Variants in GRID2 observed in about 807,000 individuals in gnomAD.
GRID2 encodes glutamate ionotropic receptor delta type subunit 2, also known as glutamate receptor ionotropic, delta-2.
In GRID2, 33 loss-of-function variants were observed where a neutral mutation model predicts 114.8. That is an observed-to-expected ratio of 0.29 (90% CI 0.22 to 0.38). The LOEUF is 0.38. Ranked by LOEUF, GRID2 falls within the 10% of genes least tolerant of loss-of-function variation. GRID2 has a pLI of 1.00. For synonymous variants in GRID2, 505 were observed against 449.9 expected, an observed-to-expected ratio of 1.12 and a Z score of -1.55; for missense variants, 1,184 against 1,257.7, an observed-to-expected ratio of 0.94 and a Z score of 0.89.
intron 13 of GRID2, among the ~76,000 whole-genome samples, chr4:93,548,072 G>T (rs926501912): frequency 1.3e-5 from 2 of 152,044 alleles, no homozygotes; most frequent in African/African-American, 4.8e-5. Context: ...AGCTACTTGG[G>T]AGGGTGAGGC....
At chr4:92,639,120 A>T (rs1234501895) in intron 2 of GRID2, among the ~76,000 whole-genome samples, 1 of 151,610 alleles carries the variant, frequency 6.6e-6, no homozygotes, top group African/African-American at 2.4e-5. Flanking sequence ...TATCTTTAGA[A>T]TGTGTCAATA....
chr4:92,394,757 T>C (rs2110267525), intron 1 of GRID2, among the ~76,000 whole-genome samples: 1 of 152,096 alleles, frequency 6.6e-6, no homozygotes, highest in Admixed American at 6.5e-5. Flanking sequence ...TATTTTGATG[T>C]GAAATAATTA....
At chr4:92,879,870 C>T (rs915400373) in intron 2 of GRID2, among the ~76,000 whole-genome samples, 2 of 152,126 alleles carry the variant, frequency 1.3e-5, no homozygotes, top group African/African-American at 2.4e-5. Context: ...TGTTCTTTGG[C>T]CAAGAGCTTT....
At chr4:93,379,475 A>G (rs1041899749) in intron 8 of GRID2, among the ~76,000 whole-genome samples, 19 of 152,060 alleles carry the variant, frequency 1.2e-4, no homozygotes, top group African/African-American at 4.1e-4. Context: ...CTGGAGCAAA[A>G]AGGGGAGAGA....
At chr4:92,878,810 T>A (rs1478528639) in intron 2 of GRID2, among the ~76,000 whole-genome samples, 1 of 152,146 alleles carries the variant, frequency 6.6e-6, no homozygotes, top group Non-Finnish European at 1.5e-5. Context: ...TTAGAGAAGA[T>A]AGCCTTTATT....
In GRID2 at chr4:92,901,823, T is replaced by TTG. The variant is rs373258158; in HGVS notation, c.245-183152_245-183151dup. Among the ~76,000 whole-genome samples the TTG allele has an allele frequency of 4.9e-4, 73 of 149,624 alleles. No individual in the cohort carries two copies. In the East Asian group the frequency reaches 5.7e-3, roughly 12 times the overall value. ...AGAAATACTGATCTATATTATCTTT[T>TTG]TGTGTGTGTGTGTGTGTGTGTCCTT... is the stretch of plus-strand genomic sequence containing the variant. On this transcript the variant is annotated intron_variant, in intron 2 of 15. Transcript: ENST00000282020.
chr4:92,762,101 G>C (rs1391748559), intron 2 of GRID2, among the ~76,000 whole-genome samples: 1 of 152,072 alleles, frequency 6.6e-6, no homozygotes, highest in East Asian at 1.9e-4. Flanking sequence ...TTTTAGTGGA[G>C]ACAGGGTCTC....
chr4:93,684,678 G>A (rs1725912045), intron 14 of GRID2, among the ~76,000 whole-genome samples: 1 of 152,134 alleles, frequency 6.6e-6, no homozygotes, highest in South Asian at 2.1e-4. Context: ...AGCCTTACAG[G>A]ATTCTTGCCA....
intron 1 of GRID2, among the ~76,000 whole-genome samples, chr4:92,415,430 G>A (rs1313725862): frequency 6.6e-6 from 1 of 151,814 alleles, no homozygotes; most frequent in Non-Finnish European, 1.5e-5. Flanking sequence ...CCCAAGCAGT[G>A]TACACTGTAC....
chr4:92,602,820 A>G (rs1437556855), intron 2 of GRID2, among the ~76,000 whole-genome samples: 1 of 152,218 alleles, frequency 6.6e-6, no homozygotes, highest in Non-Finnish European at 1.5e-5. Flanking sequence ...GTCTTAGTCC[A>G]AAAGCTTCTT....
intron 2 of GRID2, among the ~76,000 whole-genome samples, chr4:92,969,897 A>G (rs141311231): frequency 6.6e-6 from 1 of 151,922 alleles, no homozygotes; most frequent in African/African-American, 2.4e-5. Flanking sequence ...TTCTGTCCCA[A>G]GAATGAGTGC....
intron 2 of GRID2, among the ~76,000 whole-genome samples, chr4:92,967,558 A>G (rs920219295): frequency 1.3e-5 from 2 of 151,826 alleles, no homozygotes; most frequent in Non-Finnish European, 2.9e-5. Flanking sequence ...AATTGCTGGA[A>G]AGCAAGCTCT....
intron 2 of GRID2, among the ~76,000 whole-genome samples, chr4:92,739,479 T>C (rs1403368562): frequency 1.3e-5 from 2 of 152,164 alleles, no homozygotes; most frequent in Admixed American, 6.5e-5. Flanking sequence ...AATCTGGCTG[T>C]CTTTGAAAAC....
intron 13 of GRID2, among the ~76,000 whole-genome samples, chr4:93,574,958 G>T (rs1424308253): frequency 6.6e-6 from 1 of 152,070 alleles, no homozygotes; most frequent in African/African-American, 2.4e-5. Context: ...CACTCGTCTG[G>T]TGCCTTAACT....
intron 1 of GRID2, among the ~76,000 whole-genome samples, chr4:92,417,935 T>C (rs1244490455): frequency 1.3e-5 from 2 of 152,164 alleles, no homozygotes; most frequent in Non-Finnish European, 2.9e-5. Flanking sequence ...ATGTAAGATG[T>C]GACTTTGCTC....
intron 2 of GRID2, among the ~76,000 whole-genome samples, chr4:93,067,561 T>C (rs2149300898): frequency 6.6e-6 from 1 of 152,148 alleles, no homozygotes; most frequent in South Asian, 2.1e-4. Context: ...TACATCTTAA[T>C]ATCATCACCT....
intron 2 of GRID2, among the ~76,000 whole-genome samples, chr4:92,783,111 T>C (rs1355218755): frequency 1.3e-5 from 2 of 152,066 alleles, no homozygotes; most frequent in Admixed American, 6.6e-5. Flanking sequence ...TATAAATAGC[T>C]TGAGATATGT....
intron 14 of GRID2, among the ~76,000 whole-genome samples, chr4:93,662,295 T>C (rs1260634053): frequency 1.3e-5 from 2 of 152,156 alleles, no homozygotes; most frequent in African/African-American, 4.8e-5. Flanking sequence ...TGCTTTGTTG[T>C]TCTCTATGGC....
chr4:92,848,154 G>A (rs752082847), intron 2 of GRID2, among the ~76,000 whole-genome samples: 11 of 151,324 alleles, frequency 7.3e-5, no homozygotes, highest in African/African-American at 9.7e-5. Context: ...CAAACAGCTC[G>A]AAATCAGTCT....
Sources: gnomAD v4.1 joint callset for allele counts (sites outside exome capture counted in the v4.1 genomes callset) on GRCh38, gnomAD v4.1.1 for gene constraint, MANE v1.5 for transcripts, NCBI Gene and HGNC (gene_info 2026-07-23, HGNC 2026-07-21) for gene names.